Variants in TRMT2B observed in about 807,000 individuals in gnomAD.
TRMT2B encodes the protein tRNA (uracil-5-)-methyltransferase homolog B.
Under a neutral mutation model 39.7 loss-of-function variants are expected in TRMT2B, and 34 were observed. The observed-to-expected ratio is 0.86, with a 90% CI of 0.65 to 1.14. TRMT2B has a LOEUF of 1.14. Ranked by LOEUF, TRMT2B falls within the 50% of genes most tolerant of loss-of-function variation. The probability of loss-of-function intolerance (pLI) is 0.00; values close to 1 mark genes in which losing one functional copy is unlikely to be tolerated. For synonymous variants in TRMT2B, 132 were observed against 137.3 expected (o/e 0.96, Z 0.27); for missense variants, 318 against 377.2 (o/e 0.84, Z 1.30).
At chrX:100,973,443 C>T in the TRMT2B span, among the ~76,000 whole-genome samples, 18 of 107,425 alleles carry the variant, frequency 1.7e-4, no homozygotes, top group East Asian at 2.7e-3. Flanking sequence ...GCCGGCGCGG[C>T]GGCAAAGACT....
intron 7 of TRMT2B, among the ~76,000 whole-genome samples, chrX:101,025,599 T>G (rs1414898755): frequency 8.9e-6 from 1 of 112,078 alleles, no homozygotes; most frequent in African/African-American, 3.2e-5. Flanking sequence ...TTGCTATAAT[T>G]TCATATAAGA....
At chrX:101,010,854 C>A in intron 13 of TRMT2B, 147 bp from the exon 14 acceptor site, 1 of 511,996 alleles carries the variant, frequency 2.0e-6, no homozygotes, top group Non-Finnish European at 3.0e-6. Flanking sequence ...TTAATATAAT[C>A]GTTTTTCTTC....
downstream of TRMT2B, among the ~76,000 whole-genome samples, chrX:101,008,599 G>A (rs2086145610): frequency 9.0e-6 from 1 of 111,613 alleles, no homozygotes; most frequent in African/African-American, 3.3e-5. Flanking sequence ...CTCCATCCTG[G>A]GTGACAGAGT....
the TRMT2B span, among the ~76,000 whole-genome samples, chrX:100,994,584 A>C: frequency 2.7e-5 from 3 of 111,392 alleles, no homozygotes; most frequent in Non-Finnish European, 5.6e-5. Context: ...TGCCAGTAGC[A>C]CTCTGTCAGC....
At chrX:100,979,472 T>C in the TRMT2B span, among the ~76,000 whole-genome samples, 1 of 112,346 alleles carries the variant, frequency 8.9e-6, no homozygotes, top group African/African-American at 3.2e-5. Flanking sequence ...TTTCAATCTT[T>C]GTTAAACTTA....
chrX:100,996,813 G>GA, the TRMT2B span, among the ~76,000 whole-genome samples: 1 of 110,081 alleles, frequency 9.1e-6, no homozygotes, highest in African/African-American at 3.3e-5. Flanking sequence ...TCAGGAGGCT[G>GA]AAAAAAAAGG....
At chrX:101,048,878 T>C (rs1434879651) in intron 2 of TRMT2B, among the ~76,000 whole-genome samples, 1 of 112,443 alleles carries the variant, frequency 8.9e-6, no homozygotes, top group Non-Finnish European at 1.9e-5. Context: ...ACAGTTTTGG[T>C]GAGAATTAAA....
At chrX:101,006,470 T>G (rs2086103365), downstream of TRMT2B, among the ~76,000 whole-genome samples, 1 of 110,294 alleles carries the variant, frequency 9.1e-6, no homozygotes, top group Non-Finnish European at 1.9e-5. Context: ...AAGGTATACA[T>G]GTATCTGTAT....
intron 5 of TRMT2B, chrX:101,037,673 G>A (rs144340263): frequency 1.3e-3 from 413 of 308,277 alleles, no homozygotes; most frequent in African/African-American, 0.01. Flanking sequence ...GTGAATCTCA[G>A]CTCTGGCCCT....
chrX:101,028,607 T>A (rs1369042883), intron 7 of TRMT2B, among the ~76,000 whole-genome samples: 6 of 111,855 alleles, frequency 5.4e-5, no homozygotes, highest in African/African-American at 1.9e-4. Flanking sequence ...CAATAATCCA[T>A]TCTCAACACA....
At chrX:101,045,455 G>GA (rs112091401) in intron 2 of TRMT2B, among the ~76,000 whole-genome samples, 740 of 71,012 alleles carry the variant, frequency 0.01, 3 homozygotes, top group African/African-American at 0.031. Flanking sequence ...ACTTCATCTC[G>GA]AAAAAAAAAA....
At chrX:101,037,883 T>C in intron 5 of TRMT2B, 34 bp downstream of exon 5, 1 of 1,198,283 alleles carries the variant, frequency 8.3e-7, no homozygotes. Flanking sequence ...TTAAGGGGCC[T>C]TAATAGATAA....
chrX:101,027,132 A>G (rs1488847381), intron 7 of TRMT2B, among the ~76,000 whole-genome samples: 2 of 110,956 alleles, frequency 1.8e-5, no homozygotes, highest in Non-Finnish European at 3.8e-5. Context: ...CTAAGTCCTC[A>G]CTTCCTTGAC....
At chrX:101,032,969 T>C (rs2087586468) in intron 7 of TRMT2B, among the ~76,000 whole-genome samples, 1 of 110,196 alleles carries the variant, frequency 9.1e-6, no homozygotes, top group African/African-American at 3.3e-5. Context: ...TGGGAAGAAA[T>C]TGGCGGCCAG....
At chrX:101,005,647 C>T (rs1259725618), downstream of TRMT2B, among the ~76,000 whole-genome samples, 8 of 101,003 alleles carry the variant, frequency 7.9e-5, no homozygotes, top group Admixed American at 1.1e-4. Flanking sequence ...GAGGCCGAGG[C>T]GGGCAGATCA....
chrX:100,989,360 C>G, the TRMT2B span, among the ~76,000 whole-genome samples: 1 of 110,602 alleles, frequency 9.0e-6, no homozygotes, highest in South Asian at 3.8e-4. Flanking sequence ...ACCTGTAATC[C>G]CAGCACTTTG....
downstream of TRMT2B, among the ~76,000 whole-genome samples, chrX:101,004,903 A>G (rs1475007833): frequency 9.8e-5 from 11 of 111,818 alleles, no homozygotes; most frequent in African/African-American, 3.6e-4. Context: ...ACACGTAAAC[A>G]AAACATCCTG....
the TRMT2B span, chrX:100,974,337 GCA>G: frequency 3.9e-5 from 17 of 432,454 alleles, no homozygotes; most frequent in Non-Finnish European, 4.9e-5. Context: ...TAACACACAC[GCA>G]CACACACACA....
rs1165997424 is a variant in TRMT2B, at chrX:101,051,725, G to A, written c.-498C>T. 9.3e-6 allele frequency: 7 copies of A among 751,233 alleles called. No individual in the cohort carries two copies. The highest frequency in any genetic ancestry group is 1.1e-5 in the Non-Finnish European group (7 of 636,957). The allele number at this position is 751,233 out of a possible 1,213,427, so 61.9% of individuals were successfully genotyped here. On this transcript the variant is annotated 5_prime_UTR_variant, in exon 2 of 14. Coordinates refer to ENST00000372936, the MANE Select transcript of TRMT2B (RefSeq NM_024917.6). ...GCCCCGCGGACAGTTTGGCATAGTA[G>A]GGAGTTTTCTGTAAAGCAAGGGTTA...
Sources: gnomAD v4.1 joint callset for allele counts (sites outside exome capture counted in the v4.1 genomes callset) on GRCh38, gnomAD v4.1.1 for gene constraint, MANE v1.5 for transcripts, NCBI Gene and HGNC (gene_info 2026-07-23, HGNC 2026-07-21) for gene names.